Variants in AGBL1 observed in about 807,000 individuals in gnomAD.
AGBL1 encodes the protein cytosolic carboxypeptidase 4.
A neutral mutation model predicts 118.9 loss-of-function variants in AGBL1; 130 were observed. That is an observed-to-expected ratio of 1.09 (90% CI 0.95 to 1.26). AGBL1 has a LOEUF of 1.26. Ranked by LOEUF, AGBL1 falls within the 50% of genes most tolerant of loss-of-function variation. The probability of loss-of-function intolerance (pLI) is 0.00; values close to 1 mark genes in which losing one functional copy is unlikely to be tolerated. For missense variants in AGBL1, 1,584 were observed against 1,298.1 expected, an observed-to-expected ratio of 1.22 and a Z score of -3.38; for synonymous variants, 555 against 478.9, an observed-to-expected ratio of 1.16 and a Z score of -2.08.
At chr15:86,635,930 G>T (rs907647376) in intron 21 of AGBL1, among the ~76,000 whole-genome samples, 1 of 152,172 alleles carries the variant, frequency 6.6e-6, no homozygotes, top group African/African-American at 2.4e-5. Flanking sequence ...AGTCAGCACA[G>T]TTGGAGATAG....
At chr15:86,382,946 A>T (rs12905746) in intron 17 of AGBL1, among the ~76,000 whole-genome samples, 2 of 151,900 alleles carry the variant, frequency 1.3e-5, no homozygotes, top group Admixed American at 1.3e-4. Flanking sequence ...AAAACAATCC[A>T]CCTCTCAAAG....
downstream of AGBL1, among the ~76,000 whole-genome samples, chr15:86,916,999 A>G (rs1008081954): frequency 2.6e-5 from 4 of 152,242 alleles, no homozygotes; most frequent in African/African-American, 9.6e-5. Flanking sequence ...ATAAACAGGA[A>G]GACCTAAAGG....
chr15:86,739,013 G>A (rs1476403097), intron 22 of AGBL1, among the ~76,000 whole-genome samples: 1 of 152,090 alleles, frequency 6.6e-6, no homozygotes, highest in East Asian at 1.9e-4. Flanking sequence ...GGGCATGGTG[G>A]TGCATGCTTG....
chr15:86,568,554 A>C (rs1035149075), intron 21 of AGBL1, among the ~76,000 whole-genome samples: 1 of 152,216 alleles, frequency 6.6e-6, no homozygotes. Flanking sequence ...ATCTCATTAA[A>C]TGTGTATTGG....
intron 20 of AGBL1, 113 bp downstream of exon 20, chr15:86,546,246 C>G (rs1451729811): frequency 2.4e-5 from 28 of 1,164,632 alleles, no homozygotes; most frequent in South Asian, 1.6e-4. Context: ...TGTAAATAAG[C>G]ATTTTAATTA....
At chr15:86,380,621 G>T (rs1286666551) in intron 17 of AGBL1, among the ~76,000 whole-genome samples, 2 of 138,866 alleles carry the variant, frequency 1.4e-5, no homozygotes, top group Non-Finnish European at 3.0e-5. Flanking sequence ...CATTCTCTCT[G>T]CTTCTTTGGT....
At chr15:86,109,188 A>G (rs1897223035) in intron 1 of AGBL1, among the ~76,000 whole-genome samples, 1 of 152,176 alleles carries the variant, frequency 6.6e-6, no homozygotes, top group African/African-American at 2.4e-5. Context: ...ACAGTACTAC[A>G]ATAATAATAA....
chr15:86,344,108 G>A (rs1213640387), intron 17 of AGBL1, among the ~76,000 whole-genome samples: 1 of 152,240 alleles, frequency 6.6e-6, no homozygotes, highest in Admixed American at 6.5e-5. Flanking sequence ...AGGGCCATTT[G>A]AGTTGAATGA....
At chr15:86,521,034 A>G (rs1435007824) in intron 18 of AGBL1, among the ~76,000 whole-genome samples, 2 of 152,256 alleles carry the variant, frequency 1.3e-5, no homozygotes, top group Non-Finnish European at 2.9e-5. Context: ...CAGGCAAAGA[A>G]TAAAAAATGC....
intron 5 of AGBL1, among the ~76,000 whole-genome samples, chr15:86,163,438 T>C (rs901717703): frequency 5.3e-5 from 8 of 151,958 alleles, no homozygotes; most frequent in African/African-American, 1.5e-4. Flanking sequence ...TAAAAATAAA[T>C]AAATGAGGGC....
chr15:86,113,707 A>G (rs1228908322), intron 1 of AGBL1, among the ~76,000 whole-genome samples: 1 of 152,204 alleles, frequency 6.6e-6, no homozygotes, highest in Non-Finnish European at 1.5e-5. Flanking sequence ...CTATAATGCC[A>G]TGCCACACCT....
At position 86,805,577 on chromosome 15, in the gene AGBL1, G is replaced by A. The variant is rs182790883; in HGVS notation, c.3159-101510G>A. On this transcript the variant is annotated intron_variant, in intron 22 of 22. Transcript: ENST00000614907. Reference sequence around the variant, plus strand: ...CATATCTCAGAGTGTACAAGATTACGAATTGTTTGGAATGATTTTTAGCTA... The same window carrying A: ...CATATCTCAGAGTGTACAAGATTACAAATTGTTTGGAATGATTTTTAGCTA... Among the ~76,000 whole-genome samples, 393 of 152,260 alleles carry A rather than the reference G, an allele frequency of 2.6e-3. 1 individual carries two copies. The highest frequency in any genetic ancestry group is 8.8e-3 in the African/African-American group (367 of 41,560).
intron 9 of AGBL1, among the ~76,000 whole-genome samples, chr15:86,259,712 G>A (rs529601315): frequency 1.3e-5 from 2 of 152,338 alleles, no homozygotes; most frequent in East Asian, 3.9e-4. Context: ...TGGCTTGATG[G>A]TGCAGGCCTA....
Position 87,024,133 on chromosome 15 carries a change from CA to C in AGBL1, c.3324-4691del, listed in dbSNP as rs577601273. On this transcript the variant is annotated intron_variant, in intron 24 of 24. Coordinates refer to the AGBL1 transcript ENST00000441037. Reference sequence around the variant, plus strand: ...GCAGAAGAAAGGAAATAACCAATATCAGAGCAGAACTAAATGAAACTGAAAC... The same window carrying C: ...GCAGAAGAAAGGAAATAACCAATATCGAGCAGAACTAAATGAAACTGAAAC... Among the ~76,000 whole-genome samples, 544 of 152,006 alleles carry C rather than the reference CA, an allele frequency of 3.6e-3. 4 individuals are homozygous for C. Among genetic ancestry groups the C allele is most frequent in the African/African-American group, 0.012 (516 of 41,516 alleles).
chr15:86,640,353 G>A (rs2085170721), intron 21 of AGBL1, among the ~76,000 whole-genome samples: 1 of 152,106 alleles, frequency 6.6e-6, no homozygotes, highest in Admixed American at 6.6e-5. Context: ...AGAGCAATCA[G>A]ATATCTTTTA....
At chr15:86,280,990 T>C (rs1229392428) in intron 16 of AGBL1, among the ~76,000 whole-genome samples, 4 of 152,226 alleles carry the variant, frequency 2.6e-5, no homozygotes, top group African/African-American at 9.6e-5. Context: ...ACATTTGTTA[T>C]AAAACATGTT....
intron 5 of AGBL1, among the ~76,000 whole-genome samples, chr15:86,193,476 CT>C (rs779309466): frequency 1.3e-5 from 2 of 152,116 alleles, no homozygotes; most frequent in Admixed American, 1.3e-4. Flanking sequence ...CCACTTGTGT[CT>C]TTTTCTGATT....
chr15:86,240,514 T>G (rs1265330637), intron 6 of AGBL1, among the ~76,000 whole-genome samples: 1 of 152,186 alleles, frequency 6.6e-6, no homozygotes, highest in Admixed American at 6.5e-5. Context: ...GAAGAGTGGT[T>G]TGAAGCAAGG....
At chr15:86,686,829 A>C (rs891460855) in intron 22 of AGBL1, among the ~76,000 whole-genome samples, 1 of 152,160 alleles carries the variant, frequency 6.6e-6, no homozygotes, top group Non-Finnish European at 1.5e-5. Flanking sequence ...TTGGACAGAG[A>C]TGAAACTGAG....
Sources: gnomAD v4.1 joint callset for allele counts (sites outside exome capture counted in the v4.1 genomes callset) on GRCh38, gnomAD v4.1.1 for gene constraint, MANE v1.5 for transcripts, NCBI Gene and HGNC (gene_info 2026-07-23, HGNC 2026-07-21) for gene names.